Variants in ASTN2 observed in about 807,000 individuals in gnomAD.
ASTN2 encodes the protein astrotactin-2.
ASTN2 carries 54 observed loss-of-function variants against 139.8 expected under a neutral mutation model. The observed-to-expected ratio is 0.39, with a 90% CI of 0.31 to 0.48. The LOEUF is 0.48. Ranked by LOEUF, ASTN2 falls within the 20% of genes least tolerant of loss-of-function variation. ASTN2 has a pLI of 0.95. For synonymous variants in ASTN2, 756 were observed against 719.5 expected, an observed-to-expected ratio of 1.05 and a Z score of -0.81; for missense variants, 1,565 against 1,725.1, an observed-to-expected ratio of 0.91 and a Z score of 1.64.
intron 17 of ASTN2, among the ~76,000 whole-genome samples, chr9:116,627,444 C>G (rs955388769): frequency 6.6e-6 from 1 of 152,172 alleles, no homozygotes; most frequent in Non-Finnish European, 1.5e-5. Flanking sequence ...GAGAAACATT[C>G]ACTACACCAA....
chr9:116,698,019 G>A lies in ASTN2; in HGVS notation c.2806+27752C>T, dbSNP rs754449534. 36 of 1,614,074 alleles carry A rather than the reference G, an allele frequency of 2.2e-5. No individual in the cohort carries two copies. In the Middle Eastern group the frequency reaches 4.9e-4, roughly 22 times the overall value. ...GATCATTGATACAGCTGGGCTCAGC[G>A]AGGCTGTGGGGCTGCTCATGTGTCG... On this transcript the variant is annotated intron_variant, in intron 16 of 22. Coordinates refer to ENST00000313400, the MANE Select transcript of ASTN2 (RefSeq NM_001365068.1). This position sits in a 1 kb window ranked among gnomAD's most constrained non-coding sequence, Gnocchi z 4.4.
At chr9:116,971,074 G>A (rs1836182259) in intron 10 of ASTN2, among the ~76,000 whole-genome samples, 1 of 152,156 alleles carries the variant, frequency 6.6e-6, no homozygotes, top group Non-Finnish European at 1.5e-5. Context: ...GAGGTGGGCT[G>A]TATTTATCTC....
At chr9:117,037,710 C>T (rs559914965) in intron 6 of ASTN2, among the ~76,000 whole-genome samples, 1 of 152,248 alleles carries the variant, frequency 6.6e-6, no homozygotes, top group South Asian at 2.1e-4. Flanking sequence ...GTAGTGACAG[C>T]TGAGAGATGA....
intron 2 of ASTN2, among the ~76,000 whole-genome samples, chr9:117,290,607 A>G (rs780576946): frequency 6.6e-6 from 1 of 152,254 alleles, no homozygotes; most frequent in Non-Finnish European, 1.5e-5. Flanking sequence ...ACATGTATCC[A>G]GTATAGTGCT....
intron 20 of ASTN2, among the ~76,000 whole-genome samples, chr9:116,458,909 C>G (rs1848407326): frequency 6.6e-6 from 1 of 151,794 alleles, no homozygotes; most frequent in African/African-American, 2.4e-5. Flanking sequence ...CAAGCTGCTC[C>G]TAAAATTCAC....
At position 117,214,402 on chromosome 9, in the gene ASTN2, C is replaced by T. The variant is rs1420245773; in HGVS notation, c.971G>A (p.Ser324Asn). 2 of 1,612,472 alleles carry T rather than the reference C, an allele frequency of 1.2e-6. No individual in the cohort carries two copies. The highest frequency in any genetic ancestry group is 2.2e-5 in the East Asian group (1 of 44,824). Residue 324 changes from serine (S) to asparagine (N), a missense_variant, in exon 3 of 23, where the codon AGT becomes AAT. By Grantham distance (46) the Ser-to-Asn change is conservative (BLOSUM62 1). This residue lies in a region of ASTN2 where 596 missense variants were observed against 576.8 expected (regional missense o/e 1.03). Coordinates refer to ENST00000313400, the MANE Select transcript of ASTN2 (RefSeq NM_001365068.1). The part of the protein sequence containing the change: ...FGSQVTHTLD[S>N]LGHPGEEKVD... The stretch of plus-strand genomic sequence containing the variant: ...CTTCTCTTCCCCTGGATGTCCCAGA[C>T]TGTCCAGAGTGTGGGTCACCTGGCT...
intron 16 of ASTN2, chr9:116,700,921 A>G (rs1554733737): frequency 1.2e-5 from 2 of 167,060 alleles, no homozygotes; most frequent in South Asian, 4.1e-4. Context: ...AATAATCCAA[A>G]TCTTTCTCCC....
chr9:116,873,918 C>A (rs10759871), intron 10 of ASTN2, among the ~76,000 whole-genome samples: 52,216 of 152,096 alleles, frequency 0.34, 9,671 homozygotes, highest in East Asian at 0.53. Context: ...GCCTCCCCAG[C>A]TATGCTTCCT....
chr9:117,160,789 T>C (rs972280038), intron 3 of ASTN2, among the ~76,000 whole-genome samples: 1 of 152,008 alleles, frequency 6.6e-6, no homozygotes, highest in Non-Finnish European at 1.5e-5. Flanking sequence ...CAAAGAATGA[T>C]ACAAAGAACT....
chr9:116,871,088 C>G (rs897589083), intron 10 of ASTN2, among the ~76,000 whole-genome samples: 2 of 152,036 alleles, frequency 1.3e-5, no homozygotes, highest in South Asian at 4.2e-4. Context: ...TAAACCCTGT[C>G]TCTACTAAAA....
intron 20 of ASTN2, among the ~76,000 whole-genome samples, chr9:116,485,158 C>T (rs1849298536): frequency 6.6e-6 from 1 of 152,240 alleles, no homozygotes; most frequent in Non-Finnish European, 1.5e-5. Context: ...TAGGCTTCTA[C>T]TGGAACCTCA....
At chr9:117,291,263 A>G in intron 2 of ASTN2, 63 bp downstream of exon 2, 1 of 1,509,316 alleles carries the variant, frequency 6.6e-7, no homozygotes, top group South Asian at 1.2e-5. Context: ...CGCCCCCTCC[A>G]TCTCTCCACC....
chr9:117,144,674 T>TG, intron 3 of ASTN2, among the ~76,000 whole-genome samples: 1 of 22,994 alleles, frequency 4.3e-5, no homozygotes, highest in African/African-American at 8.1e-5. Context: ...TTTTTTTTTT[T>TG]TTTTTTTTTT....
intron 11 of ASTN2, among the ~76,000 whole-genome samples, chr9:116,852,878 T>TAC (rs3040211): frequency 0.084 from 11,286 of 134,206 alleles, 503 homozygotes; most frequent in East Asian, 0.16. Flanking sequence ...AAGGGGAAAA[T>TAC]ACACACACAC....
chr9:117,235,307 G>C (rs1833014181), intron 2 of ASTN2, among the ~76,000 whole-genome samples: 4 of 151,500 alleles, frequency 2.6e-5, no homozygotes, highest in African/African-American at 9.7e-5. Context: ...GTCATTTATT[G>C]GTATTGACAA....
rs1425883590 is a variant in ASTN2 at position 117,272,609 on chromosome 9, G to A, written c.630+18717C>T. Among the ~76,000 whole-genome samples, 3 of 152,314 alleles carry A rather than the reference G, an allele frequency of 2.0e-5. No homozygotes were observed. The East Asian group carries it at 5.8e-4, about 29-fold the overall frequency. On this transcript the variant is annotated intron_variant, in intron 2 of 22. Transcript: ENST00000313400. ...GTGGAATGCTTTTAACAGCACCCAA[G>A]TCGCCACTTGAATGCTTTGCTGCTT...
chr9:116,776,315 C>T (rs1394149660), intron 13 of ASTN2, among the ~76,000 whole-genome samples: 1 of 152,186 alleles, frequency 6.6e-6, no homozygotes. Flanking sequence ...TCCCACCAAG[C>T]ATAGTGCTGA....
chr9:116,918,315 G>T (rs1834510112), intron 10 of ASTN2, among the ~76,000 whole-genome samples: 1 of 152,168 alleles, frequency 6.6e-6, no homozygotes, highest in Non-Finnish European at 1.5e-5. Flanking sequence ...CTTTCTGCAG[G>T]TGACTAGCAG....
At chr9:117,329,497 T>C (rs960036931) in intron 1 of ASTN2, among the ~76,000 whole-genome samples, 1 of 152,066 alleles carries the variant, frequency 6.6e-6, no homozygotes, top group African/African-American at 2.4e-5. Context: ...GAGACTAAGT[T>C]CACTTTTTCA....
Sources: allele counts gnomAD v4.1 joint callset (sites outside exome capture counted in the v4.1 genomes callset), GRCh38; gene constraint gnomAD v4.1.1; regional missense constraint gnomAD v4.1.1; non-coding constraint Gnocchi (gnomAD v3.1); transcripts MANE v1.5; gene names NCBI Gene and HGNC (gene_info 2026-07-23, HGNC 2026-07-21).